CD164L2: variants seen among roughly 807,000 people sequenced by gnomAD.
The protein encoded by CD164L2 is CD164 sialomucin-like 2 protein.
CD164L2 carries 21 observed loss-of-function variants against 23.9 expected under a neutral mutation model. That is an observed-to-expected ratio of 0.88 (90% CI 0.62 to 1.27). The LOEUF is 1.27. CD164L2 is among the 50% of genes most tolerant of loss of function. The pLI is 0.00. For missense variants in CD164L2, 230 were observed against 224.8 expected (o/e 1.02, Z -0.15); for synonymous variants, 92 against 90.2 (o/e 1.02, Z -0.11).
chr1:27,381,705 T>G (rs2016337421), intron 4 of CD164L2, 75 bp downstream of exon 4: 2 of 1,539,244 alleles, frequency 1.3e-6, no homozygotes, highest in Non-Finnish European at 8.9e-7. Context: ...ACAGAGCATG[T>G]CAGTGCCTGA....
Position 27,379,428 on chromosome 1 carries a change from T to G in CD164L2, c.*75A>C. Reference sequence around the variant, plus strand: ...AGTTTTTCCCGCCCCCGCCCCCCGCTTACCCACAAGGGTGCCCAGAGGCCA... The same window carrying G: ...AGTTTTTCCCGCCCCCGCCCCCCGCGTACCCACAAGGGTGCCCAGAGGCCA... On this transcript the variant is annotated 3_prime_UTR_variant, in exon 6 of 6. Coordinates refer to ENST00000374030, the MANE Select transcript of CD164L2 (RefSeq NM_001330448.1). The G allele has an allele frequency of 4.9e-3, 2,149 of 440,180 alleles. No individual in the cohort carries two copies. Among genetic ancestry groups the G allele is most frequent in the Non-Finnish European group, 8.5e-3 (1,941 of 227,302 alleles). 27.3% of individuals were successfully genotyped at this position (440,180 alleles called of 1,614,324 possible).
Position 27,383,004 on chromosome 1 carries a change from G to A in CD164L2, c.88+148C>T. The A allele has an allele frequency of 4.5e-6, 3 of 663,680 alleles. No individual in the cohort carries two copies. In the South Asian group the frequency reaches 5.5e-5, roughly 12 times the overall value. 41.1% of individuals were successfully genotyped at this position (663,680 alleles called of 1,614,324 possible). On this transcript the variant is annotated intron_variant, in intron 1 of 5. Transcript: ENST00000374030. ...TACACACAGGGCTCCACACAGAGCTGGAGCCCCCTCTCCCACCCCTGGAGG... is the reference window on the plus strand; with the variant it reads ...TACACACAGGGCTCCACACAGAGCTAGAGCCCCCTCTCCCACCCCTGGAGG...
In CD164L2 at chr1:27,383,311, A is replaced by C; in HGVS notation, c.-72T>G. The stretch of plus-strand genomic sequence containing the variant: ...GACAGCTGCCGGGCGCGTCCCTCCC[A>C]GACTGGGCTCGGCTGAGCGTGTGCG... On this transcript the variant is annotated 5_prime_UTR_variant, in exon 1 of 6. Coordinates refer to ENST00000374030, the MANE Select transcript of CD164L2 (RefSeq NM_001330448.1). 1 of 1,013,750 alleles carries C rather than the reference A, an allele frequency of 9.9e-7. No homozygotes were observed. Among genetic ancestry groups the C allele is most frequent in the Admixed American group, 2.1e-5 (1 of 46,778 alleles). The allele number at this position is 1,013,750 out of a possible 1,614,324, so 62.8% of individuals were successfully genotyped here. A position where few individuals can be genotyped will look rare whatever the true frequency, so the allele number is the denominator to read the frequency against.
intron 4 of CD164L2, 118 bp from the exon 5 acceptor site, chr1:27,380,313 A>C: frequency 1.1e-6 from 1 of 913,942 alleles, no homozygotes; most frequent in South Asian, 1.6e-5. Flanking sequence ...GGGGTGCTTA[A>C]ACCCTGGGCT....
chr1:27,383,072 G>T lies in CD164L2; in HGVS notation c.88+80C>A, dbSNP rs2016371707. The T allele has an allele frequency of 5.7e-6, 7 of 1,222,122 alleles. No homozygotes were observed. The Middle Eastern group carries it at 7.9e-4, about 139-fold the overall frequency. 75.7% of individuals were successfully genotyped at this position (1,222,122 alleles called of 1,614,324 possible). On this transcript the variant is annotated intron_variant, in intron 1 of 5. Transcript: ENST00000374030. Reference sequence around the variant, plus strand: ...AGCCCCCTCCCCTCAAGCCCAGGCTGCTCCTGGGGAGACGGCTGGCTGAGG... The same window carrying T: ...AGCCCCCTCCCCTCAAGCCCAGGCTTCTCCTGGGGAGACGGCTGGCTGAGG...
chr1:27,381,877 A>T, intron 3 of CD164L2, 53 bp from the exon 4 acceptor site: 1 of 1,605,686 alleles, frequency 6.2e-7, no homozygotes, highest in Non-Finnish European at 8.5e-7. Flanking sequence ...CCTGACTCCC[A>T]TCAAGACCCC....
chr1:27,379,892 G>A (rs918061741), intron 5 of CD164L2, 159 bp downstream of exon 5: 10 of 1,507,998 alleles, frequency 6.6e-6, no homozygotes, highest in Non-Finnish European at 7.9e-6. Flanking sequence ...ACCCCAACTG[G>A]AGGAGACAAA....
At chr1:27,382,152 T>C in intron 3 of CD164L2, 176 bp downstream of exon 3, 4 of 1,542,668 alleles carry the variant, frequency 2.6e-6, no homozygotes, top group Non-Finnish European at 3.5e-6. Context: ...AATTTTCAGA[T>C]GAGGAAATAG....
At chr1:27,381,686 G>T in intron 4 of CD164L2, 94 bp downstream of exon 4, 1 of 1,398,714 alleles carries the variant, frequency 7.1e-7, no homozygotes, top group Non-Finnish European at 9.9e-7. Context: ...AAGGCGCAGG[G>T]CCGAGGTCAC....
Position 27,383,317 on chromosome 1 carries a change from G to A in CD164L2, c.-78C>T, listed in dbSNP as rs985446104. 2 of 955,008 alleles carry A rather than the reference G, an allele frequency of 2.1e-6. No homozygotes were observed. Among genetic ancestry groups the A allele is most frequent in the African/African-American group, 3.3e-5 (2 of 60,552 alleles). 59.2% of individuals were successfully genotyped at this position (955,008 alleles called of 1,614,324 possible). On this transcript the variant is annotated 5_prime_UTR_variant, in exon 1 of 6. Coordinates refer to ENST00000374030, the MANE Select transcript of CD164L2 (RefSeq NM_001330448.1). The stretch of plus-strand genomic sequence containing the variant: ...TGCCGGGCGCGTCCCTCCCAGACTG[G>A]GCTCGGCTGAGCGTGTGCGGAGCGA...
chr1:27,383,133 A>G lies in CD164L2; in HGVS notation c.88+19T>C. 4 of 1,540,702 alleles carry G rather than the reference A, an allele frequency of 2.6e-6. No individual in the cohort carries two copies. In the South Asian group the frequency reaches 4.8e-5, roughly 18 times the overall value. Reference sequence around the variant, plus strand: ...ATCCGTCCCCGTCGAGCCCCTAGCCAGACCCTGCCGCGAGTTACCAGCCAC... The same window carrying G: ...ATCCGTCCCCGTCGAGCCCCTAGCCGGACCCTGCCGCGAGTTACCAGCCAC... On this transcript the variant is annotated intron_variant, in intron 1 of 5. Coordinates refer to ENST00000374030, the MANE Select transcript of CD164L2 (RefSeq NM_001330448.1).
intron 4 of CD164L2, among the ~76,000 whole-genome samples, chr1:27,380,937 C>T (rs555495400): frequency 1.3e-5 from 2 of 152,378 alleles, no homozygotes; most frequent in Non-Finnish European, 2.9e-5. Context: ...AGCTGTGCCA[C>T]GGTACCTGTC....
intron 2 of CD164L2, 28 bp from the exon 3 acceptor site, chr1:27,382,427 T>C (rs924855853): frequency 6.3e-7 from 1 of 1,589,176 alleles, no homozygotes; most frequent in Non-Finnish European, 8.6e-7. Context: ...AGGGGGGAGG[T>C]TTGGGGAGAG....
At position 27,379,397 on chromosome 1, in the gene CD164L2, G is replaced by A. The variant is rs1196532326; in HGVS notation, c.*106C>T. 1.6e-5 allele frequency: 17 copies of A among 1,093,152 alleles called. No individual in the cohort carries two copies. The highest frequency in any genetic ancestry group is 1.0e-4 in the Admixed American group (5 of 48,558). The allele number at this position is 1,093,152 out of a possible 1,614,324, so 67.7% of individuals were successfully genotyped here. ...GTGCCCGCAGGAGCCAAAAACTGGC[G>A]GCCAGAGTTTTTCCCGCCCCCGCCC... On this transcript the variant is annotated 3_prime_UTR_variant, in exon 6 of 6. Transcript: ENST00000374030.
intron 4 of CD164L2, among the ~76,000 whole-genome samples, 174 bp downstream of exon 4, chr1:27,381,606 T>C (rs967400099): frequency 6.6e-6 from 1 of 152,190 alleles, no homozygotes; most frequent in Non-Finnish European, 1.5e-5. Context: ...TCATAAAACC[T>C]GCAGAGCAAC....
intron 4 of CD164L2, among the ~76,000 whole-genome samples, chr1:27,380,737 C>T (rs563718573): frequency 6.6e-6 from 1 of 152,358 alleles, no homozygotes; most frequent in East Asian, 1.9e-4. Flanking sequence ...CCCCAACTGT[C>T]ACCCTGCTAA....
chr1:27,381,901 C>G (rs562896676), intron 3 of CD164L2, 77 bp from the exon 4 acceptor site: 8 of 1,572,764 alleles, frequency 5.1e-6, no homozygotes, highest in Non-Finnish European at 7.0e-6. Flanking sequence ...CCCCACTCAC[C>G]GCTAAACTTC....
At position 27,383,166 on chromosome 1, in the gene CD164L2, T is replaced by G; in HGVS notation, c.74A>C (p.Gln25Pro). ...GGCCCLLLCAQLAVAGKGARG... is the reference protein window; with the variant it reads ...GGCCCLLLCAPLAVAGKGARG... Reference sequence around the variant, plus strand: ...CCGCGAGTTACCAGCCACAGCCAGCTGGGCACATAGGAGGAGGCAGCAACA... The same window carrying G: ...CCGCGAGTTACCAGCCACAGCCAGCGGGGCACATAGGAGGAGGCAGCAACA... Residue 25 changes from glutamine (Q) to proline (P), a missense_variant, in exon 1 of 6, where the codon CAG becomes CCG. By Grantham distance (76) the Gln-to-Pro change is moderately conservative. Coordinates refer to ENST00000374030, the MANE Select transcript of CD164L2 (RefSeq NM_001330448.1). 1 of 1,548,644 alleles carries G rather than the reference T, an allele frequency of 6.5e-7. No homozygotes were observed. Among genetic ancestry groups the G allele is most frequent in the Non-Finnish European group, 8.7e-7 (1 of 1,146,714 alleles).
At chr1:27,381,490 G>A (rs2504778) in intron 4 of CD164L2, among the ~76,000 whole-genome samples, 117,238 of 152,086 alleles carry the variant, frequency 0.77, 47,769 homozygotes, top group Non-Finnish European at 0.9. Flanking sequence ...AGTCCCGAGG[G>A]GTGACCTTGA....
Sources: allele counts gnomAD v4.1 joint callset (sites outside exome capture counted in the v4.1 genomes callset), GRCh38; gene constraint gnomAD v4.1.1; transcripts MANE v1.5; gene names NCBI Gene and HGNC (gene_info 2026-07-23, HGNC 2026-07-21).